Variants in ABCB5 observed in about 807,000 individuals in gnomAD.
ABCB5 encodes ATP binding cassette subfamily B member 5, also known as ATP-binding cassette sub-family B member 5.
Under a neutral mutation model 144.2 loss-of-function variants are expected in ABCB5, and 155 were observed. The ratio of observed to expected loss-of-function variants is 1.08; its 90% confidence interval spans 0.94 to 1.23. The LOEUF (loss-of-function observed/expected upper bound fraction) is 1.23. ABCB5 is among the 50% of genes most tolerant of loss of function. The probability of loss-of-function intolerance (pLI) is 0.00; values close to 1 mark genes in which losing one functional copy is unlikely to be tolerated. For missense variants in ABCB5, 1,830 were observed against 1,520.8 expected (o/e 1.20, Z -3.38); for synonymous variants, 610 against 528.6 (o/e 1.15, Z -2.11).
intron 5 of ABCB5, among the ~76,000 whole-genome samples, chr7:20,635,248 T>C (rs1367538387): frequency 3.3e-5 from 5 of 152,132 alleles, no homozygotes; most frequent in Non-Finnish European, 7.4e-5. Context: ...CTCTATTCTT[T>C]TTCCTTGATC....
intron 7 of ABCB5, among the ~76,000 whole-genome samples, chr7:20,645,260 T>C (rs1322416483): frequency 6.6e-6 from 1 of 152,218 alleles, no homozygotes; most frequent in Non-Finnish European, 1.5e-5. Context: ...GGAATAATTA[T>C]CTTTAGTAAG....
Position 20,723,234 on chromosome 7 carries a change from G to A in ABCB5, c.2625+15G>A, listed in dbSNP as rs983238512. On this transcript the variant is annotated intron_variant, in intron 21 of 27. Transcript: ENST00000404938. ...ATGCTGGAAAGGTAAAATGAAGACT[G>A]TTATCACCATCGTAACATTTAAAGA... 3 of 1,611,910 alleles carry A rather than the reference G, an allele frequency of 1.9e-6. No homozygotes were observed. The highest frequency in any genetic ancestry group is 1.7e-6 in the Non-Finnish European group (2 of 1,178,540).
chr7:20,660,903 C>T (rs1320291625), intron 14 of ABCB5, among the ~76,000 whole-genome samples: 1 of 152,154 alleles, frequency 6.6e-6, no homozygotes. Context: ...TCCACTTATA[C>T]AAAGTTCTAG....
In ABCB5 at chr7:20,647,598, T is replaced by G. The variant is rs752486567; in HGVS notation, c.1045T>G (p.Phe349Val). The change falls in exon 10 of 28, where the codon TTC becomes GTC. Residue 349 changes from phenylalanine (F) to valine (V), a missense_variant. By Grantham distance (50) the Phe-to-Val change is conservative (BLOSUM62 -1). Coordinates refer to ENST00000404938, the MANE Select transcript of ABCB5 (RefSeq NM_001163941.2). ...AGCAGCAGTCCCTCACTTTGAAACC[T>G]TCGCAATAGCCCGAGGAGCTGCCTT... ...IGAAVPHFETFAIARGAAFHI... is the reference protein window; with the variant it reads ...IGAAVPHFETVAIARGAAFHI... The G allele has an allele frequency of 6.3e-7, 1 of 1,589,370 alleles. No individual in the cohort carries two copies. The highest frequency in any genetic ancestry group is 1.1e-5 in the South Asian group (1 of 87,082).
At chr7:20,746,613 T>G (rs1286361401) in intron 26 of ABCB5, among the ~76,000 whole-genome samples, 1 of 152,246 alleles carries the variant, frequency 6.6e-6, no homozygotes, top group Non-Finnish European at 1.5e-5. Flanking sequence ...CCTTGATGTC[T>G]GTATTGGCTG....
intron 14 of ABCB5, chr7:20,659,820 A>T: frequency 1.1e-6 from 1 of 945,526 alleles, no homozygotes; most frequent in Non-Finnish European, 1.3e-6. Context: ...AGTAGCTGGG[A>T]GTACAGGCGT....
chr7:20,685,630 C>T lies in ABCB5; in HGVS notation c.1870-66C>T, dbSNP rs1785967656. 3 of 1,403,458 alleles carry T rather than the reference C, an allele frequency of 2.1e-6. No homozygotes were observed. The Admixed American group carries it at 6.6e-5, about 31-fold the overall frequency. 86.9% of individuals were successfully genotyped at this position (1,403,458 alleles called of 1,614,324 possible). On this transcript the variant is annotated intron_variant, in intron 15 of 27. Transcript: ENST00000404938. ...AGGCGATAACAGCTTTAAAGAGATG[C>T]TTAATAAGTTTCCTTGAATTTTTAA...
chr7:20,695,896 A>T lies in ABCB5; in HGVS notation c.2011-2511A>T, dbSNP rs538418229. On this transcript the variant is annotated intron_variant, in intron 16 of 27. Transcript: ENST00000404938. Reference sequence around the variant, plus strand: ...CACTATACACCTGTTAGAATGGTTAAATCTAAAGAGACTGACAGTACCAAA... The same window carrying T: ...CACTATACACCTGTTAGAATGGTTATATCTAAAGAGACTGACAGTACCAAA... Among the ~76,000 whole-genome samples the T allele has an allele frequency of 5.3e-5, 8 of 152,116 alleles. No homozygotes were observed. In the East Asian group the frequency reaches 1.5e-3, roughly 29 times the overall value.
At chr7:20,681,006 CTT>C (rs1336073701) in intron 14 of ABCB5, among the ~76,000 whole-genome samples, 953 of 8,104 alleles carry the variant, frequency 0.12, 73 homozygotes, top group African/African-American at 0.27. Context: ...TTCTTTCTTT[CTT>C]TCTTTCTTTC....
At chr7:20,657,047 G>C (rs1433813345) in intron 13 of ABCB5, among the ~76,000 whole-genome samples, 6 of 150,948 alleles carry the variant, frequency 4.0e-5, no homozygotes, top group Non-Finnish European at 1.5e-5. Flanking sequence ...TCAGCCTCCT[G>C]AGTAGCTCAT....
chr7:20,647,449 G>A (rs565711047), intron 9 of ABCB5, 86 bp from the exon 10 acceptor site: 193 of 1,445,740 alleles, frequency 1.3e-4, no homozygotes, highest in Admixed American at 5.7e-4. Context: ...CTCTCTGTGA[G>A]CCTAAACCAA....
chr7:20,627,839 G>A (rs1783943351), intron 3 of ABCB5, among the ~76,000 whole-genome samples: 1 of 152,254 alleles, frequency 6.6e-6, no homozygotes, highest in South Asian at 2.1e-4. Flanking sequence ...CCAGAGCGTT[G>A]AAAATGTGCA....
chr7:20,731,829 C>A (rs1782232644), intron 23 of ABCB5, among the ~76,000 whole-genome samples: 1 of 152,142 alleles, frequency 6.6e-6, no homozygotes, highest in African/African-American at 2.4e-5. Context: ...TTCTTCTCAT[C>A]CTCTTCACAC....
At position 20,680,998 on chromosome 7, in the gene ABCB5, CTTTCTTTCTTTCTT is replaced by C. The variant is rs1260673212; in HGVS notation, c.1708-505_1708-492del. Among the ~76,000 whole-genome samples, 16 of 111,508 alleles carry C rather than the reference CTTTCTTTCTTTCTT, an allele frequency of 1.4e-4. 1 individual carries two copies. Among genetic ancestry groups the C allele is most frequent in the African/African-American group, 6.1e-4 (15 of 24,764 alleles). The allele number at this position is 111,508 out of a possible 152,430, so 73.2% of individuals were successfully genotyped here. A position where few individuals can be genotyped will look rare whatever the true frequency, so the allele number is the denominator to read the frequency against. ...TCTTTCTTTCTTTCTTTCTTTCTTT[CTTTCTTTCTTTCTT>C]TCTTTCTTTCTTTCTTTCTTTCTCT... On this transcript the variant is annotated intron_variant, in intron 14 of 27. Coordinates refer to ENST00000404938, the MANE Select transcript of ABCB5 (RefSeq NM_001163941.2).
chr7:20,693,175 T>C (rs999514937), intron 16 of ABCB5, among the ~76,000 whole-genome samples: 1 of 151,898 alleles, frequency 6.6e-6, no homozygotes, highest in African/African-American at 2.4e-5. Flanking sequence ...CCAGCCTGGG[T>C]AACATAGGGA....
In ABCB5 at chr7:20,738,972, T is replaced by A. The variant is rs752601054; in HGVS notation, c.2868-11T>A. 1 of 1,580,624 alleles carries A rather than the reference T, an allele frequency of 6.3e-7. No homozygotes were observed. Among genetic ancestry groups the A allele is most frequent in the East Asian group, 2.3e-5 (1 of 43,710 alleles). On this transcript the variant is annotated splice_polypyrimidine_tract_variant and intron_variant, in intron 23 of 27. Transcript: ENST00000404938. ...ATGGACCTAAGATTCAAATGCTTTATCTTTTGATAGAGTTTTTACTGCAAT... is the reference window on the plus strand; with the variant it reads ...ATGGACCTAAGATTCAAATGCTTTAACTTTTGATAGAGTTTTTACTGCAAT...
At chr7:20,657,173 T>A (rs1299585951) in intron 13 of ABCB5, among the ~76,000 whole-genome samples, 2 of 152,126 alleles carry the variant, frequency 1.3e-5, no homozygotes, top group Non-Finnish European at 2.9e-5. Context: ...CCTCCCAAAG[T>A]GCTGGGATTA....
intron 5 of ABCB5, among the ~76,000 whole-genome samples, chr7:20,636,471 A>G (rs532129960): frequency 2.0e-5 from 3 of 151,962 alleles, no homozygotes; most frequent in Non-Finnish European, 4.4e-5. Flanking sequence ...TTTTTTTAAG[A>G]CTCATTTAAA....
At chr7:20,646,998 T>C (rs191880916) in intron 9 of ABCB5, among the ~76,000 whole-genome samples, 2 of 152,330 alleles carry the variant, frequency 1.3e-5, no homozygotes, top group African/African-American at 4.8e-5. Context: ...TAAGAGCTCC[T>C]AGCTTGAGGG....
Sources: allele counts gnomAD v4.1 joint callset (sites outside exome capture counted in the v4.1 genomes callset), GRCh38; gene constraint gnomAD v4.1.1; transcripts MANE v1.5; gene names NCBI Gene and HGNC (gene_info 2026-07-23, HGNC 2026-07-21).